SLC9A9: variants seen among roughly 807,000 people sequenced by gnomAD.
SLC9A9 encodes the protein sodium/hydrogen exchanger 9.
In SLC9A9, 62 loss-of-function variants were observed where a neutral mutation model predicts 77.8. The observed-to-expected ratio is 0.80, with a 90% CI of 0.65 to 0.98. The LOEUF (loss-of-function observed/expected upper bound fraction) is 0.98, where lower values mean the gene tolerates loss of function less well. Ranked by LOEUF, SLC9A9 falls within the 50% of genes least tolerant of loss-of-function variation. The pLI is 0.00. For synonymous variants in SLC9A9, 320 were observed against 283.5 expected, an observed-to-expected ratio of 1.13 and a Z score of -1.29; for missense variants, 775 against 774.9, an observed-to-expected ratio of 1.00 and a Z score of 0.00.
At chr3:143,789,362 A>G (rs2008151586) in intron 4 of SLC9A9, among the ~76,000 whole-genome samples, 1 of 152,170 alleles carries the variant, frequency 6.6e-6, no homozygotes, top group Non-Finnish European at 1.5e-5. Flanking sequence ...GCAGCTTCCT[A>G]GAGAATCTGA....
intron 14 of SLC9A9, among the ~76,000 whole-genome samples, chr3:143,320,497 A>G (rs2031379176): frequency 6.6e-6 from 1 of 152,210 alleles, no homozygotes; most frequent in Non-Finnish European, 1.5e-5. Flanking sequence ...GCTTCTGGTG[A>G]GGCCTCAGGG....
At chr3:143,396,108 C>G (rs1329732056) in intron 12 of SLC9A9, among the ~76,000 whole-genome samples, 1 of 152,112 alleles carries the variant, frequency 6.6e-6, no homozygotes, top group Non-Finnish European at 1.5e-5. Context: ...GGTATATACC[C>G]AAAGGATTAT....
chr3:143,569,714 C>T (rs894409339), intron 8 of SLC9A9, among the ~76,000 whole-genome samples: 5 of 151,776 alleles, frequency 3.3e-5, no homozygotes, highest in East Asian at 1.9e-4. Context: ...CTTACCCAAA[C>T]GAACAAAACA....
intron 13 of SLC9A9, among the ~76,000 whole-genome samples, chr3:143,376,131 C>T (rs543070571): frequency 9.2e-5 from 14 of 152,206 alleles, no homozygotes; most frequent in Non-Finnish European, 1.5e-4. Flanking sequence ...TCCTAGACAA[C>T]GGGCCCATAC....
intron 6 of SLC9A9, among the ~76,000 whole-genome samples, chr3:143,651,733 T>C (rs1456147046): frequency 6.6e-6 from 1 of 152,220 alleles, no homozygotes; most frequent in Non-Finnish European, 1.5e-5. Context: ...GAAATTGCAC[T>C]GGTGCTGAGC....
In SLC9A9 at chr3:143,425,839, T is replaced by A. The variant is rs149476916; in HGVS notation, c.1469+41198A>T. Among the ~76,000 whole-genome samples, 70 of 152,262 alleles carry A rather than the reference T, an allele frequency of 4.6e-4. 1 individual carries two copies. The highest frequency in any genetic ancestry group is 1.6e-3 in the African/African-American group (68 of 41,558). ...TTAGAAGGTTCACAATGACTGTTGC[T>A]AACATGACAAGATATGCTCCATCCA... On this transcript the variant is annotated intron_variant, in intron 12 of 15. Transcript: ENST00000316549.
chr3:143,518,890 A>T (rs143708255), intron 9 of SLC9A9, among the ~76,000 whole-genome samples: 200 of 152,340 alleles, frequency 1.3e-3, no homozygotes, highest in Middle Eastern at 0.01. Flanking sequence ...GGAAGCACTT[A>T]ACTAGATGGT....
At chr3:143,558,578 A>G (rs1172177269) in intron 8 of SLC9A9, among the ~76,000 whole-genome samples, 1 of 152,200 alleles carries the variant, frequency 6.6e-6, no homozygotes, top group African/African-American at 2.4e-5. Context: ...TTTAAGGTTT[A>G]ATGACTGACA....
intron 12 of SLC9A9, among the ~76,000 whole-genome samples, chr3:143,389,503 T>C (rs932681227): frequency 1.3e-5 from 2 of 152,188 alleles, no homozygotes; most frequent in South Asian, 2.1e-4. Flanking sequence ...TGCCCTACCA[T>C]TAGCCATATT....
chr3:143,707,199 G>A (rs1405726699), intron 4 of SLC9A9, among the ~76,000 whole-genome samples: 2 of 152,110 alleles, frequency 1.3e-5, no homozygotes, highest in Non-Finnish European at 2.9e-5. Flanking sequence ...CTTCTGTCCT[G>A]TAGTTCTCAG....
intron 5 of SLC9A9, among the ~76,000 whole-genome samples, chr3:143,683,052 T>C (rs912131591): frequency 3.3e-5 from 5 of 152,186 alleles, no homozygotes; most frequent in African/African-American, 1.2e-4. Flanking sequence ...AAATTTACTA[T>C]TAATGTTTTA....
At chr3:143,766,683 C>T (rs1210980890) in intron 4 of SLC9A9, among the ~76,000 whole-genome samples, 2 of 152,150 alleles carry the variant, frequency 1.3e-5, no homozygotes, top group African/African-American at 2.4e-5. Context: ...GATTCTCCTG[C>T]CTCAGCCTTC....
At chr3:143,560,038 T>A (rs1011106361) in intron 8 of SLC9A9, among the ~76,000 whole-genome samples, 1 of 152,168 alleles carries the variant, frequency 6.6e-6, no homozygotes, top group African/African-American at 2.4e-5. Context: ...GTCCTCTCCA[T>A]ATATCAGAAG....
At chr3:143,632,121 T>C (rs1392938252) in intron 6 of SLC9A9, among the ~76,000 whole-genome samples, 7 of 152,176 alleles carry the variant, frequency 4.6e-5, no homozygotes, top group Non-Finnish European at 8.8e-5. Context: ...TGAGAGTCAA[T>C]GGTTCCAAAC....
chr3:143,708,346 G>A (rs920751974), intron 4 of SLC9A9, among the ~76,000 whole-genome samples: 4 of 152,098 alleles, frequency 2.6e-5, no homozygotes, highest in Admixed American at 1.3e-4. Context: ...AAGGCAGTGC[G>A]AGACTCGGTC....
chr3:143,294,735 C>A (rs919923541), intron 14 of SLC9A9, among the ~76,000 whole-genome samples: 2 of 152,066 alleles, frequency 1.3e-5, no homozygotes, highest in African/African-American at 4.8e-5. Context: ...TCAGTGTTGC[C>A]ATTTTGCAGA....
intron 13 of SLC9A9, among the ~76,000 whole-genome samples, chr3:143,367,055 C>T (rs1211574787): frequency 6.6e-6 from 1 of 152,196 alleles, no homozygotes; most frequent in Non-Finnish European, 1.5e-5. Flanking sequence ...AAGCGTTTCC[C>T]AAGGTCTTAG....
At chr3:143,543,101 A>G (rs1444874676) in intron 9 of SLC9A9, among the ~76,000 whole-genome samples, 2 of 152,256 alleles carry the variant, frequency 1.3e-5, no homozygotes, top group African/African-American at 4.8e-5. Context: ...TATCATGGTT[A>G]TCTTTGTAAG....
intron 6 of SLC9A9, among the ~76,000 whole-genome samples, chr3:143,641,020 C>G (rs1317338914): frequency 6.6e-6 from 1 of 152,078 alleles, no homozygotes; most frequent in East Asian, 1.9e-4. Context: ...TAACTTCTCC[C>G]CAGAAACTGG....
Sources: gnomAD v4.1 joint callset for allele counts (sites outside exome capture counted in the v4.1 genomes callset) on GRCh38, gnomAD v4.1.1 for gene constraint, MANE v1.5 for transcripts, NCBI Gene and HGNC (gene_info 2026-07-23, HGNC 2026-07-21) for gene names.